ITGBL1: variants seen among roughly 807,000 people sequenced by gnomAD.
ITGBL1 encodes integrin beta-like protein 1.
ITGBL1 carries 51 observed loss-of-function variants against 68.5 expected under a neutral mutation model. That is an observed-to-expected ratio of 0.74 (90% CI 0.59 to 0.94). ITGBL1 has a LOEUF of 0.94. ITGBL1 is among the 40% of genes least tolerant of loss of function. The probability of loss-of-function intolerance (pLI) is 0.00; values close to 1 mark genes in which losing one functional copy is unlikely to be tolerated. For synonymous variants in ITGBL1, 209 were observed against 227.3 expected (o/e 0.92, Z 0.72); for missense variants, 649 against 647.4 (o/e 1.00, Z -0.03).
intron 2 of ITGBL1, among the ~76,000 whole-genome samples, chr13:101,541,683 C>T (rs2049706022): frequency 6.6e-6 from 1 of 152,148 alleles, no homozygotes; most frequent in Non-Finnish European, 1.5e-5. Context: ...CCATCTGGTC[C>T]TGGACTTTTT....
chr13:101,582,123 A>G (rs527909086), intron 5 of ITGBL1, among the ~76,000 whole-genome samples: 1 of 152,292 alleles, frequency 6.6e-6, no homozygotes, highest in African/African-American at 2.4e-5. Flanking sequence ...CACTTTGGGC[A>G]TATTAATCCT....
chr13:101,618,977 G>A (rs1365525615), intron 7 of ITGBL1, among the ~76,000 whole-genome samples: 2 of 152,140 alleles, frequency 1.3e-5, no homozygotes, highest in Non-Finnish European at 1.5e-5. Flanking sequence ...ACTGGGGGCA[G>A]GTGGGAATTG....
intron 5 of ITGBL1, 67 bp from the exon 6 acceptor site, chr13:101,583,149 T>C: frequency 6.9e-7 from 1 of 1,442,088 alleles, no homozygotes; most frequent in Non-Finnish European, 9.7e-7. Flanking sequence ...TAATAAGCGA[T>C]ATGTGAAATG....
At chr13:101,667,360 C>G (rs2033246712) in intron 7 of ITGBL1, among the ~76,000 whole-genome samples, 1 of 152,066 alleles carries the variant, frequency 6.6e-6, no homozygotes, top group Admixed American at 6.6e-5. Context: ...GAGAAACTCT[C>G]TGCTGCAATT....
chr13:101,577,109 T>C (rs1239137471), intron 4 of ITGBL1, among the ~76,000 whole-genome samples: 2 of 152,224 alleles, frequency 1.3e-5, no homozygotes, highest in African/African-American at 4.8e-5. Context: ...CTAGTTGTTA[T>C]TTCCATTTGT....
chr13:101,557,855 C>A (rs943317895), intron 2 of ITGBL1, among the ~76,000 whole-genome samples: 2 of 151,810 alleles, frequency 1.3e-5, no homozygotes, highest in Admixed American at 1.3e-4. Flanking sequence ...CTTTGGGAGG[C>A]CGAGGTGGGC....
At position 101,631,556 on chromosome 13, in the gene ITGBL1, A is replaced by C. The variant is rs558996239; in HGVS notation, c.1015+33257A>C. ...TTACACTGTCCTACTACCATAGATGATGTTGAAATTTTGCAAGGGATTACT... is the reference window on the plus strand; with the variant it reads ...TTACACTGTCCTACTACCATAGATGCTGTTGAAATTTTGCAAGGGATTACT... On this transcript the variant is annotated intron_variant, in intron 7 of 10. Transcript: ENST00000376180. 2.0e-5 allele frequency among the ~76,000 whole-genome samples: 3 copies of C among 152,302 alleles called. No homozygotes were observed. In the South Asian group the frequency reaches 6.2e-4, roughly 32 times the overall value.
chr13:101,471,510 ATGTGTGTGTGTGTGTGTATGTATG>A (rs1437125576), intron 2 of ITGBL1, among the ~76,000 whole-genome samples: 3 of 133,858 alleles, frequency 2.2e-5, no homozygotes, highest in East Asian at 2.4e-4. Context: ...ACAAATATAT[ATGTGTGTGTGTGTGTGTATGTATG>A]TGTGTGTGTG....
intron 2 of ITGBL1, among the ~76,000 whole-genome samples, chr13:101,547,901 G>C (rs934293996): frequency 2.1e-5 from 3 of 144,838 alleles, no homozygotes; most frequent in African/African-American, 5.5e-5. Context: ...ATATATCTCT[G>C]TGTGTGTGTA....
chr13:101,631,861 A>G (rs2031990540), intron 7 of ITGBL1, among the ~76,000 whole-genome samples: 1 of 152,210 alleles, frequency 6.6e-6, no homozygotes, highest in Non-Finnish European at 1.5e-5. Context: ...AAATGGTACT[A>G]GAACAATAAT....
At chr13:101,566,129 A>G (rs896107437) in intron 2 of ITGBL1, among the ~76,000 whole-genome samples, 18 of 152,132 alleles carry the variant, frequency 1.2e-4, no homozygotes, top group African/African-American at 3.1e-4. Context: ...AATCATTTCT[A>G]TTTTCTTTAC....
At chr13:101,560,105 A>G (rs2050075235) in intron 2 of ITGBL1, among the ~76,000 whole-genome samples, 1 of 152,216 alleles carries the variant, frequency 6.6e-6, no homozygotes, top group African/African-American at 2.4e-5. Context: ...ATCTCAAATC[A>G]TGAAATAATT....
chr13:101,633,181 C>T (rs934314734), intron 7 of ITGBL1, among the ~76,000 whole-genome samples: 2 of 152,110 alleles, frequency 1.3e-5, no homozygotes, highest in African/African-American at 4.8e-5. Context: ...TCAGGCATAT[C>T]ACAGTTGGGA....
intron 7 of ITGBL1, among the ~76,000 whole-genome samples, chr13:101,659,808 T>C (rs1483126052): frequency 1.3e-5 from 2 of 152,152 alleles, no homozygotes; most frequent in African/African-American, 4.8e-5. Flanking sequence ...TATGTAAGTA[T>C]ATGTGTGTAG....
intron 3 of ITGBL1, among the ~76,000 whole-genome samples, chr13:101,574,728 G>T (rs1186748090): frequency 6.6e-6 from 1 of 152,088 alleles, no homozygotes; most frequent in Non-Finnish European, 1.5e-5. Flanking sequence ...ACATTTGGGG[G>T]ATGTGGTAGA....
intron 2 of ITGBL1, among the ~76,000 whole-genome samples, chr13:101,507,305 G>A (rs1204207296): frequency 2.6e-5 from 4 of 152,116 alleles, no homozygotes; most frequent in Non-Finnish European, 4.4e-5. Context: ...ACAGTGCTTG[G>A]TAGAGTGGAT....
chr13:101,540,633 A>G (rs1331597925), intron 2 of ITGBL1, among the ~76,000 whole-genome samples: 1 of 152,118 alleles, frequency 6.6e-6, no homozygotes, highest in Non-Finnish European at 1.5e-5. Flanking sequence ...GAACCTATAA[A>G]TTACTTTGGG....
intron 6 of ITGBL1, among the ~76,000 whole-genome samples, chr13:101,590,913 G>A: frequency 6.6e-6 from 1 of 151,296 alleles, no homozygotes; most frequent in East Asian, 2.0e-4. Flanking sequence ...TCTTTGTTTT[G>A]TTTTTTTTGA....
At chr13:101,661,162 A>C (rs1259572318) in intron 7 of ITGBL1, among the ~76,000 whole-genome samples, 1 of 152,134 alleles carries the variant, frequency 6.6e-6, no homozygotes, top group Non-Finnish European at 1.5e-5. Context: ...TAATTGGACA[A>C]TATCCAGTCT....
Sources: allele counts gnomAD v4.1 joint callset (sites outside exome capture counted in the v4.1 genomes callset), GRCh38; gene constraint gnomAD v4.1.1; transcripts MANE v1.5; gene names NCBI Gene and HGNC (gene_info 2026-07-23, HGNC 2026-07-21).